STAC: variants seen among roughly 807,000 people sequenced by gnomAD.
The protein encoded by STAC is SH3 and cysteine rich domain.
In STAC, 43 loss-of-function variants were observed where a neutral mutation model predicts 48.8. The observed-to-expected ratio is 0.88, with a 90% CI of 0.69 to 1.14. The LOEUF (loss-of-function observed/expected upper bound fraction) is 1.14, where lower values mean the gene tolerates loss of function less well. STAC is among the 50% of genes most tolerant of loss of function. The probability of loss-of-function intolerance (pLI) is 0.00; values close to 1 mark genes in which losing one functional copy is unlikely to be tolerated. For synonymous variants in STAC, 193 were observed against 179.5 expected, an observed-to-expected ratio of 1.07 and a Z score of -0.60; for missense variants, 497 against 504.0, an observed-to-expected ratio of 0.99 and a Z score of 0.13.
intron 1 of STAC, among the ~76,000 whole-genome samples, chr3:36,395,653 G>A (rs1699842467): frequency 6.6e-6 from 1 of 152,206 alleles, no homozygotes. Context: ...AGGGGCTAAT[G>A]TTAGCAGTTA....
intron 1 of STAC, among the ~76,000 whole-genome samples, chr3:36,420,449 C>T (rs9853598): frequency 0.019 from 2,952 of 152,288 alleles, 95 homozygotes; most frequent in African/African-American, 0.066. Flanking sequence ...TGTTAGGAAC[C>T]GGGCTACACA....
At chr3:36,489,680 G>A (rs1477739128) in intron 5 of STAC, among the ~76,000 whole-genome samples, 3 of 152,132 alleles carry the variant, frequency 2.0e-5, no homozygotes, top group African/African-American at 7.2e-5. Context: ...TTATACCAGT[G>A]ATTCTCAAAT....
At chr3:36,504,665 C>T (rs1300137180) in intron 7 of STAC, among the ~76,000 whole-genome samples, 3 of 152,088 alleles carry the variant, frequency 2.0e-5, no homozygotes, top group Non-Finnish European at 2.9e-5. Flanking sequence ...TTGCACTGTG[C>T]ACCTTTTGTT....
intron 1 of STAC, among the ~76,000 whole-genome samples, chr3:36,431,375 C>T (rs1377068526): frequency 1.3e-5 from 2 of 152,154 alleles, no homozygotes; most frequent in Non-Finnish European, 2.9e-5. Flanking sequence ...GGGGAGTGGC[C>T]ACTGCCGCCC....
intron 2 of STAC, among the ~76,000 whole-genome samples, chr3:36,478,004 C>T (rs913498976): frequency 3.3e-5 from 5 of 152,168 alleles, no homozygotes; most frequent in African/African-American, 1.2e-4. Flanking sequence ...GAAACTGTCT[C>T]GTCCCAGATT....
intron 2 of STAC, among the ~76,000 whole-genome samples, chr3:36,444,414 T>G (rs1296464686): frequency 3.3e-5 from 5 of 152,226 alleles, no homozygotes; most frequent in Non-Finnish European, 7.3e-5. Context: ...CAGCTGAGAT[T>G]TGGCTGATCC....
intron 1 of STAC, among the ~76,000 whole-genome samples, chr3:36,398,193 G>A (rs969688804): frequency 6.6e-6 from 1 of 151,946 alleles, no homozygotes; most frequent in Non-Finnish European, 1.5e-5. Context: ...GAAGAGAGCA[G>A]CAATTTGACC....
intron 1 of STAC, among the ~76,000 whole-genome samples, chr3:36,427,275 C>T (rs1324244265): frequency 6.6e-6 from 1 of 152,194 alleles, no homozygotes; most frequent in Non-Finnish European, 1.5e-5. Flanking sequence ...AACACCTCGA[C>T]CTTCTTTCAC....
chr3:36,398,368 A>AGAGAAAG (rs1348085366), intron 1 of STAC, among the ~76,000 whole-genome samples: 1 of 102,880 alleles, frequency 9.7e-6, no homozygotes, highest in Non-Finnish European at 2.1e-5. Context: ...AGAAAGAAAG[A>AGAGAAAG]AAAGAAAGAG....
intron 2 of STAC, among the ~76,000 whole-genome samples, chr3:36,447,096 A>G (rs960879726): frequency 1.3e-5 from 2 of 152,184 alleles, no homozygotes; most frequent in Non-Finnish European, 2.9e-5. Flanking sequence ...GTGTGGTCTC[A>G]GCTGGAATCT....
chr3:36,542,608 G>A lies in STAC; in HGVS notation c.1111-3583G>A, dbSNP rs534281902. On this transcript the variant is annotated intron_variant, in intron 10 of 10. Transcript: ENST00000273183. ...TTAAATATCACTTCTTCAAGAAGGT[G>A]TTTCTTACCCCATTGGCTAGATCAG... Among the ~76,000 whole-genome samples the A allele has an allele frequency of 3.1e-4, 47 of 152,218 alleles. 1 individual carries two copies. The South Asian group carries it at 9.5e-3, about 31-fold the overall frequency.
intron 7 of STAC, among the ~76,000 whole-genome samples, chr3:36,504,787 G>GA (rs1207988082): frequency 6.6e-6 from 1 of 151,760 alleles, no homozygotes; most frequent in East Asian, 1.9e-4. Flanking sequence ...AGACAAACTA[G>GA]AATAATATTA....
intron 3 of STAC, 65 bp downstream of exon 3, chr3:36,483,157 G>A (rs900495393): frequency 3.0e-5 from 37 of 1,249,868 alleles, no homozygotes; most frequent in Non-Finnish European, 4.2e-5. Flanking sequence ...GCTGCAGTGA[G>A]ATCACCCCCT....
chr3:36,400,126 G>T (rs1382676071), intron 1 of STAC, among the ~76,000 whole-genome samples: 1 of 152,190 alleles, frequency 6.6e-6, no homozygotes, highest in Non-Finnish European at 1.5e-5. Flanking sequence ...CATCCCCTGC[G>T]AGTTTCTCAG....
intron 1 of STAC, among the ~76,000 whole-genome samples, chr3:36,394,651 C>G (rs1699819858): frequency 6.6e-6 from 1 of 152,086 alleles, no homozygotes; most frequent in African/African-American, 2.4e-5. Flanking sequence ...AATCCCAGCA[C>G]TTTGGGAGGC....
intron 2 of STAC, among the ~76,000 whole-genome samples, chr3:36,461,417 A>G (rs1028684012): frequency 2.0e-5 from 3 of 152,208 alleles, no homozygotes; most frequent in African/African-American, 4.8e-5. Context: ...GGATGCATCA[A>G]TGAACAAACC....
At chr3:36,451,602 TTTC>T (rs1376606455) in intron 2 of STAC, among the ~76,000 whole-genome samples, 7 of 152,226 alleles carry the variant, frequency 4.6e-5, no homozygotes, top group South Asian at 2.1e-4. Flanking sequence ...CCCAATTCTT[TTTC>T]TTCTTTTCTT....
intron 1 of STAC, among the ~76,000 whole-genome samples, chr3:36,432,242 G>T (rs938551144): frequency 1.3e-5 from 2 of 152,150 alleles, no homozygotes; most frequent in Non-Finnish European, 2.9e-5. Flanking sequence ...TTATGGACGG[G>T]GAATTTGGGA....
chr3:36,402,406 C>T (rs1385823899), intron 1 of STAC, among the ~76,000 whole-genome samples: 3 of 151,784 alleles, frequency 2.0e-5, no homozygotes, highest in Non-Finnish European at 4.4e-5. Flanking sequence ...TTACTACATA[C>T]GATCTTGTAT....
Sources: gnomAD v4.1 joint callset for allele counts (sites outside exome capture counted in the v4.1 genomes callset) on GRCh38, gnomAD v4.1.1 for gene constraint, MANE v1.5 for transcripts, NCBI Gene and HGNC (gene_info 2026-07-23, HGNC 2026-07-21) for gene names.